The following KCNAB2 variants were observed in gnomAD, a reference collection of about 807,000 sequenced individuals.
KCNAB2 encodes potassium voltage-gated channel subfamily A regulatory beta subunit 2.
KCNAB2 carries 29 observed loss-of-function variants against 63.6 expected under a neutral mutation model. The observed-to-expected ratio is 0.46, with a 90% CI of 0.34 to 0.62. KCNAB2 has a LOEUF of 0.62. Among genes scored for constraint, KCNAB2 ranks in the 20% least tolerant of loss-of-function variants. KCNAB2 has a pLI of 0.01. For missense variants in KCNAB2, 359 were observed against 563.9 expected (o/e 0.64, Z 3.68); for synonymous variants, 222 against 224.2 (o/e 0.99, Z 0.09).
chr1:6,017,770 G>A (rs969203028), intron 1 of KCNAB2, among the ~76,000 whole-genome samples: 5 of 150,606 alleles, frequency 3.3e-5, no homozygotes, highest in Middle Eastern at 3.2e-3. Context: ...CAGCCTGGGC[G>A]TCAGAGCAAG....
Position 6,074,952 on chromosome 1 carries a change from T to A in KCNAB2, c.300+1182T>A, listed in dbSNP as rs566559366. Among the ~76,000 whole-genome samples, 31 of 127,318 alleles carry A rather than the reference T, an allele frequency of 2.4e-4. No homozygotes were observed. Among genetic ancestry groups the A allele is most frequent in the African/African-American group, 1.1e-3 (29 of 27,346 alleles). 83.5% of individuals were successfully genotyped at this position (127,318 alleles called of 152,430 possible). A position where few individuals can be genotyped will look rare whatever the true frequency, so the allele number is the denominator to read the frequency against. ...CTAGGCCGTAGAGTAAGACTCTGTC[T>A]CGAAAAAAAAAAAAAAAGACAATAG... On this transcript the variant is annotated intron_variant, in intron 4 of 15. Transcript: ENST00000378083. This position sits in a 1 kb window ranked among gnomAD's most constrained non-coding sequence, Gnocchi z 4.9.
At chr1:6,022,241 GTAGTTCAGTGGTATTGAGTGTA>G (rs1445982592) in intron 1 of KCNAB2, among the ~76,000 whole-genome samples, 8 of 148,844 alleles carry the variant, frequency 5.4e-5, no homozygotes, top group African/African-American at 2.0e-4. Flanking sequence ...TATCCAGTGG[GTAGTTCAGTGGTATTGAGTGTA>G]TAGTTCAGTG....
intron 5 of KCNAB2, 129 bp from the exon 6 acceptor site, chr1:6,085,075 T>C: frequency 2.2e-6 from 2 of 901,886 alleles, no homozygotes; most frequent in Non-Finnish European, 3.7e-6. Flanking sequence ...CCAAGGCGGG[T>C]GTTAACAGCC....
In KCNAB2 at chr1:6,098,650, C is replaced by A; in HGVS notation, c.*76C>A. On this transcript the variant is annotated 3_prime_UTR_variant, in exon 16 of 16. Coordinates refer to ENST00000378083, the MANE Select transcript of KCNAB2 (RefSeq NM_001199862.2). ...TTCGCTCGCTTAAGCTGTTTTGAAG[C>A]CAAGTGAAGAGTGTGGTTTGCATCC... 4.5e-6 allele frequency: 7 copies of A among 1,541,958 alleles called. No homozygotes were observed. The highest frequency in any genetic ancestry group is 6.2e-6 in the Non-Finnish European group (7 of 1,133,020).
At chr1:6,030,756 A>G (rs1452557613), upstream of KCNAB2, among the ~76,000 whole-genome samples, 4 of 146,704 alleles carry the variant, frequency 2.7e-5, no homozygotes, top group African/African-American at 1.0e-4. Flanking sequence ...ATATGTGTGT[A>G]TGTGTACGTG....
intron 2 of KCNAB2, among the ~76,000 whole-genome samples, chr1:6,060,028 G>A (rs560245069): frequency 3.3e-5 from 5 of 152,294 alleles, no homozygotes; most frequent in Admixed American, 6.5e-5. Context: ...CCTTCCCTCG[G>A]CCTCCCACTG....
Position 6,099,756 on chromosome 1 carries a change from C to CGT in KCNAB2, c.*1182_*1183insGT. 6.9e-7 allele frequency: 1 copy of CGT among 1,457,444 alleles called. No individual in the cohort carries two copies. The highest frequency in any genetic ancestry group is 9.1e-7 in the Non-Finnish European group (1 of 1,103,326). The allele number at this position is 1,457,444 out of a possible 1,614,324, so 90.3% of individuals were successfully genotyped here. A position where few individuals can be genotyped will look rare whatever the true frequency, so the allele number is the denominator to read the frequency against. ...CAATGTAGGAAAAGACCTCAGGGAA[C>CGT]CTCTCCCTGGAAAGACGGGCAGGGC... On this transcript the variant is annotated 3_prime_UTR_variant, in exon 16 of 16. Coordinates refer to ENST00000378083, the MANE Select transcript of KCNAB2 (RefSeq NM_001199862.2).
At chr1:6,036,671 C>G (rs914908582) in intron 1 of KCNAB2, among the ~76,000 whole-genome samples, 1 of 151,982 alleles carries the variant, frequency 6.6e-6, no homozygotes, top group African/African-American at 2.4e-5. Context: ...ACTGTGGGGC[C>G]GGTTCACTGG....
At chr1:6,036,367 G>T (rs146410064) in intron 1 of KCNAB2, among the ~76,000 whole-genome samples, 1 of 152,208 alleles carries the variant, frequency 6.6e-6, no homozygotes, top group Non-Finnish European at 1.5e-5. Context: ...GCCAGGCATG[G>T]TGGTGCACGT....
chr1:6,091,089 T>C (rs1665148477), intron 9 of KCNAB2, among the ~76,000 whole-genome samples, 174 bp from the exon 10 acceptor site: 1 of 152,252 alleles, frequency 6.6e-6, no homozygotes. Flanking sequence ...TATTGTTTTT[T>C]ATTTGTTCAT....
At chr1:6,000,851 G>A (rs1428459347) in intron 1 of KCNAB2, among the ~76,000 whole-genome samples, 1 of 152,116 alleles carries the variant, frequency 6.6e-6, no homozygotes, top group East Asian at 1.9e-4. Flanking sequence ...TCATGAATCG[G>A]GAGCCAGGAT....
intron 1 of KCNAB2, among the ~76,000 whole-genome samples, chr1:6,039,915 G>A (rs143203360): frequency 9.8e-5 from 15 of 152,342 alleles, no homozygotes; most frequent in African/African-American, 2.4e-4. Flanking sequence ...TACCTTTGCC[G>A]TGTTCTGCTG....
At chr1:6,005,542 G>A (rs1427443915) in intron 1 of KCNAB2, among the ~76,000 whole-genome samples, 1 of 150,322 alleles carries the variant, frequency 6.7e-6, no homozygotes, top group Non-Finnish European at 1.5e-5. Context: ...CCGACTGAGG[G>A]TCCCCCCTAC....
intron 1 of KCNAB2, among the ~76,000 whole-genome samples, chr1:6,039,885 A>C (rs1008468965): frequency 6.6e-6 from 1 of 152,250 alleles, no homozygotes. Flanking sequence ...CTAGCAAGAC[A>C]GAAGTGACAG....
chr1:6,013,816 GC>G (rs1310510583), intron 1 of KCNAB2, among the ~76,000 whole-genome samples: 3 of 152,008 alleles, frequency 2.0e-5, no homozygotes, highest in South Asian at 2.1e-4. Context: ...TGCTGCCCGG[GC>G]CCCCCCAGCA....
rs34874871 is a variant in KCNAB2, at chr1:6,022,879, CTT to C, written c.-52-17616_-52-17615del. Among the ~76,000 whole-genome samples, 302 of 86,990 alleles carry C rather than the reference CTT, an allele frequency of 3.5e-3. 1 individual carries two copies. Among genetic ancestry groups the C allele is most frequent in the African/African-American group, 9.1e-3 (195 of 21,314 alleles). The allele number at this position is 86,990 out of a possible 152,430, so 57.1% of individuals were successfully genotyped here. A position where few individuals can be genotyped will look rare whatever the true frequency, so the allele number is the denominator to read the frequency against. On this transcript the variant is annotated intron_variant, in intron 1 of 16. Transcript: ENST00000341524. ...CATGTGTGTGCCACATTTTGCTTAT[CTT>C]TTTTTTTTTTTTTTTTTTTTTGAGA...
At position 6,073,887 on chromosome 1, in the gene KCNAB2, C is replaced by A; in HGVS notation, c.300+117C>A. ...TCCCGGGAGCCAGCGCAGCAGCCTCCCTCCCTCTTTCTGTTTTGTGAGGGC... is the reference window on the plus strand; with the variant it reads ...TCCCGGGAGCCAGCGCAGCAGCCTCACTCCCTCTTTCTGTTTTGTGAGGGC... On this transcript the variant is annotated intron_variant, in intron 4 of 15. Transcript: ENST00000378083. This position sits in a 1 kb window ranked among gnomAD's most constrained non-coding sequence, Gnocchi z 5.7. 1 of 1,070,192 alleles carries A rather than the reference C, an allele frequency of 9.3e-7. No individual in the cohort carries two copies. Among genetic ancestry groups the A allele is most frequent in the South Asian group, 1.3e-5 (1 of 77,646 alleles). The allele number at this position is 1,070,192 out of a possible 1,614,324, so 66.3% of individuals were successfully genotyped here. A position where few individuals can be genotyped will look rare whatever the true frequency, so the allele number is the denominator to read the frequency against.
intron 4 of KCNAB2, among the ~76,000 whole-genome samples, chr1:6,079,160 C>T (rs1296300842): frequency 2.6e-5 from 4 of 152,216 alleles, no homozygotes; most frequent in Admixed American, 2.0e-4. Flanking sequence ...GCAGGCTGCC[C>T]TCCCTGGCCC....
upstream of KCNAB2, among the ~76,000 whole-genome samples, chr1:6,031,397 A>G (rs72861050): frequency 8.6e-3 from 1,313 of 152,274 alleles, 21 homozygotes; most frequent in African/African-American, 0.029. This position sits in a 1 kb window ranked among gnomAD's most constrained non-coding sequence, Gnocchi z 4.1. Flanking sequence ...ATAGTCATTT[A>G]CCATTAACTC....
Sources: gnomAD v4.1 joint callset for allele counts (sites outside exome capture counted in the v4.1 genomes callset) on GRCh38, gnomAD v4.1.1 for gene constraint, Gnocchi (gnomAD v3.1) non-coding constraint, MANE v1.5 for transcripts, NCBI Gene and HGNC (gene_info 2026-07-23, HGNC 2026-07-21) for gene names.